MTSS1: variants seen among roughly 807,000 people sequenced by gnomAD.
MTSS1 encodes the protein protein MTSS 1.
MTSS1 carries 18 observed loss-of-function variants against 79.0 expected under a neutral mutation model. The observed-to-expected ratio is 0.23, with a 90% CI of 0.16 to 0.34. The LOEUF is 0.34. Ranked by LOEUF, MTSS1 falls within the 10% of genes least tolerant of loss-of-function variation. The pLI is 1.00. For missense variants in MTSS1, 815 were observed against 986.2 expected (o/e 0.83, Z 2.33); for synonymous variants, 341 against 368.6 (o/e 0.93, Z 0.86).
At position 124,555,947 on chromosome 8, in the gene MTSS1, G is replaced by C. The variant is rs201829002; in HGVS notation, c.1405-43C>G. 5.1e-5 allele frequency: 81 copies of C among 1,595,246 alleles called. No individual in the cohort carries two copies. The East Asian group carries it at 1.8e-3, about 35-fold the overall frequency. On this transcript the variant is annotated intron_variant, in intron 12 of 13. Coordinates refer to ENST00000518547, the MANE Select transcript of MTSS1 (RefSeq NM_014751.6). The stretch of plus-strand genomic sequence containing the variant: ...GAAATACACAGGTTGCTTTAGGGGG[G>C]GGGCTCAACAGCACTCCTGTTCTGC...
intron 2 of MTSS1, among the ~76,000 whole-genome samples, chr8:124,702,934 A>G (rs967700102): frequency 6.6e-6 from 1 of 152,206 alleles, no homozygotes; most frequent in Non-Finnish European, 1.5e-5. Flanking sequence ...TTTCTATTTC[A>G]TATCACATGA....
chr8:124,645,017 A>G (rs7840832), intron 3 of MTSS1, among the ~76,000 whole-genome samples: 31,778 of 152,088 alleles, frequency 0.21, 4,117 homozygotes, highest in African/African-American at 0.37. Flanking sequence ...AAATGTAGAG[A>G]AGGACATTTC....
intron 3 of MTSS1, among the ~76,000 whole-genome samples, chr8:124,666,430 A>C (rs1823090937): frequency 6.6e-6 from 1 of 152,264 alleles, no homozygotes; most frequent in Non-Finnish European, 1.5e-5. Context: ...AAGTGCACTG[A>C]AGAAAAATAC....
rs368614178 is a variant in MTSS1, at chr8:124,585,184, A to G, written c.386-23T>C. The stretch of plus-strand genomic sequence containing the variant: ...ATTCTAAGAGAAAGCAGAATATGGA[A>G]CAATTTTACCACTTTGCTTAACAGA... On this transcript the variant is annotated intron_variant, in intron 5 of 13. Coordinates refer to ENST00000518547, the MANE Select transcript of MTSS1 (RefSeq NM_014751.6). The G allele has an allele frequency of 4.8e-5, 76 of 1,569,420 alleles. No homozygotes were observed. The African/African-American group carries it at 8.4e-4, about 17-fold the overall frequency.
chr8:124,697,809 A>G (rs1419733678), intron 3 of MTSS1, among the ~76,000 whole-genome samples: 2 of 152,202 alleles, frequency 1.3e-5, no homozygotes, highest in Non-Finnish European at 2.9e-5. Context: ...TTAAAAAGAT[A>G]CTGGTTAAGA....
At chr8:124,572,759 T>C (rs1415481064) in intron 6 of MTSS1, among the ~76,000 whole-genome samples, 1 of 150,612 alleles carries the variant, frequency 6.6e-6, no homozygotes, top group Non-Finnish European at 1.5e-5. Context: ...TTTTTTTTTT[T>C]TGAGACAGAG....
chr8:124,553,776 C>A lies in MTSS1; in HGVS notation c.1568-84G>T. 1 of 1,228,700 alleles carries A rather than the reference C, an allele frequency of 8.1e-7. No individual in the cohort carries two copies. The allele number at this position is 1,228,700 out of a possible 1,614,324, so 76.1% of individuals were successfully genotyped here. On this transcript the variant is annotated intron_variant, in intron 13 of 13. Coordinates refer to ENST00000518547, the MANE Select transcript of MTSS1 (RefSeq NM_014751.6). The surrounding 1 kb of genome is among the most constrained non-coding windows in gnomAD (Gnocchi z 6.0). ...CTGGGCTGGGAGGACAAAAGGCACGCAAGGCAGGGTACACACACAGTCTCA... is the reference window on the plus strand; with the variant it reads ...CTGGGCTGGGAGGACAAAAGGCACGAAAGGCAGGGTACACACACAGTCTCA...
chr8:124,652,568 G>A (rs187616910), intron 3 of MTSS1, among the ~76,000 whole-genome samples: 30 of 148,376 alleles, frequency 2.0e-4, no homozygotes, highest in Admixed American at 1.2e-3. Context: ...CCACAGTCAC[G>A]TAAAAAGAAA....
At chr8:124,669,808 A>C (rs892565913) in intron 3 of MTSS1, among the ~76,000 whole-genome samples, 5 of 152,238 alleles carry the variant, frequency 3.3e-5, no homozygotes, top group Non-Finnish European at 5.9e-5. Context: ...GGATAGCTAC[A>C]GAACACTAGA....
At chr8:124,607,634 G>C (rs11780712) in intron 3 of MTSS1, among the ~76,000 whole-genome samples, 16,662 of 152,122 alleles carry the variant, frequency 0.11, 1,536 homozygotes, top group African/African-American at 0.24. Context: ...AGACAAGCCC[G>C]AGCCTCCCAG....
intron 13 of MTSS1, among the ~76,000 whole-genome samples, chr8:124,554,401 A>G (rs1406108661): frequency 1.3e-5 from 2 of 152,188 alleles, no homozygotes. Context: ...CTAGATGCCA[A>G]TAGTACCCCT....
intron 6 of MTSS1, among the ~76,000 whole-genome samples, chr8:124,570,584 A>G (rs1827545087): frequency 6.6e-6 from 1 of 152,218 alleles, no homozygotes; most frequent in African/African-American, 2.4e-5. Context: ...ACCACAGTAT[A>G]TGTAAGGTTC....
chr8:124,631,069 G>C (rs992350070), intron 3 of MTSS1, among the ~76,000 whole-genome samples: 24 of 152,218 alleles, frequency 1.6e-4, no homozygotes, highest in Non-Finnish European at 3.2e-4. Context: ...GGAGGACTGA[G>C]AGCACTTGAG....
intron 6 of MTSS1, among the ~76,000 whole-genome samples, chr8:124,583,656 C>T (rs886840433): frequency 9.2e-5 from 14 of 152,196 alleles, no homozygotes; most frequent in African/African-American, 3.4e-4. Context: ...TCCTTTTCAC[C>T]AAACTCCCAA....
At position 124,558,829 on chromosome 8, in the gene MTSS1, A is replaced by T; in HGVS notation, c.1036-954T>A. ...GCTTCGGAGGAGGCCGAGCTGGACG[A>T]GTTCTGCAGCAGGGGAGGGGCCACA... On this transcript the variant is annotated intron_variant, in intron 10 of 13. Transcript: ENST00000518547. The T allele has an allele frequency of 1.9e-6, 3 of 1,558,888 alleles. No homozygotes were observed. In the South Asian group the frequency reaches 3.5e-5, roughly 18 times the overall value.
rs902126429 is a variant in MTSS1 at position 124,653,220 on chromosome 8, T to C, written c.208+46306A>G. Among the ~76,000 whole-genome samples, 31 of 152,336 alleles carry C rather than the reference T, an allele frequency of 2.0e-4. 1 individual carries two copies. The Middle Eastern group carries it at 0.01, about 50-fold the overall frequency. On this transcript the variant is annotated intron_variant, in intron 3 of 13. Transcript: ENST00000518547. ...AATTCCTGTGCCAACAAGAGGGTAGTGTGGCAGCCCTCTGAGGGGTGACAA... is the reference window on the plus strand; with the variant it reads ...AATTCCTGTGCCAACAAGAGGGTAGCGTGGCAGCCCTCTGAGGGGTGACAA...
In MTSS1 at chr8:124,687,550, G is replaced by C. The variant is rs752584704; in HGVS notation, c.208+11976C>G. ...GGTTCTGTGAGTGGGTTCTGAGAGA[G>C]ACAGGGGTCAGGAAACACAGGATGA... On this transcript the variant is annotated intron_variant, in intron 3 of 13. Coordinates refer to ENST00000518547, the MANE Select transcript of MTSS1 (RefSeq NM_014751.6). Among the ~76,000 whole-genome samples, 23 of 152,172 alleles carry C rather than the reference G, an allele frequency of 1.5e-4. 1 individual carries two copies. The highest frequency in any genetic ancestry group is 1.2e-4 in the Non-Finnish European group (8 of 68,042).
chr8:124,703,275 G>GGTTTT, intron 2 of MTSS1, among the ~76,000 whole-genome samples: 1 of 152,062 alleles, frequency 6.6e-6, no homozygotes, highest in South Asian at 2.1e-4. Flanking sequence ...GTCAACACAA[G>GGTTTT]GTTTTATTTT....
rs1406344849 is a variant in MTSS1, at chr8:124,672,878, T to TACACACACACATGC, written c.208+26634_208+26647dup. Among the ~76,000 whole-genome samples the TACACACACACATGC allele has an allele frequency of 5.8e-3, 871 of 150,426 alleles. 13 individuals carry two copies. Among genetic ancestry groups the TACACACACACATGC allele is most frequent in the African/African-American group, 0.02 (818 of 40,812 alleles). On this transcript the variant is annotated intron_variant, in intron 3 of 13. Coordinates refer to ENST00000518547, the MANE Select transcript of MTSS1 (RefSeq NM_014751.6). ...ACACATATGCACACACACACATGCATACACACACACATGCACACACACACA... is the reference window on the plus strand; with the variant it reads ...ACACATATGCACACACACACATGCATACACACACACATGCACACACACACATGCACACACACACA...
Sources: gnomAD v4.1 joint callset for allele counts (sites outside exome capture counted in the v4.1 genomes callset) on GRCh38, gnomAD v4.1.1 for gene constraint, Gnocchi (gnomAD v3.1) non-coding constraint, MANE v1.5 for transcripts, NCBI Gene and HGNC (gene_info 2026-07-23, HGNC 2026-07-21) for gene names.